Variants in HEG1 observed in about 807,000 individuals in gnomAD.
HEG1 encodes the protein heart development protein with EGF like domains 1, also known as protein HEG homolog 1.
A neutral mutation model predicts 125.6 loss-of-function variants in HEG1; 56 were observed. That is an observed-to-expected ratio of 0.45 (90% CI 0.36 to 0.56). HEG1 has a LOEUF of 0.56. Ranked by LOEUF, HEG1 falls within the 20% of genes least tolerant of loss-of-function variation. The probability of loss-of-function intolerance (pLI) is 0.00; values close to 1 mark genes in which losing one functional copy is unlikely to be tolerated. For synonymous variants in HEG1, 644 were observed against 668.5 expected (o/e 0.96, Z 0.57); for missense variants, 1,523 against 1,670.0 (o/e 0.91, Z 1.53).
chr3:124,978,930 TAGATATAA>T (rs1936600715), intron 14 of HEG1, among the ~76,000 whole-genome samples: 1 of 151,822 alleles, frequency 6.6e-6, no homozygotes. Context: ...ATGGTGATAG[TAGATATAA>T]AAATTCTTTT....
At chr3:125,005,751 A>G (rs1467393687) in intron 8 of HEG1, among the ~76,000 whole-genome samples, 1 of 152,186 alleles carries the variant, frequency 6.6e-6, no homozygotes, top group Non-Finnish European at 1.5e-5. Context: ...TCATCCTAGG[A>G]GGAGGGAGGG....
At chr3:124,996,656 A>T (rs990953830) in intron 12 of HEG1, among the ~76,000 whole-genome samples, 1 of 152,208 alleles carries the variant, frequency 6.6e-6, no homozygotes. Context: ...GAAGCTCAGG[A>T]TAAGAGTGCT....
chr3:124,995,206 G>A (rs1936902266), intron 12 of HEG1, among the ~76,000 whole-genome samples: 1 of 152,122 alleles, frequency 6.6e-6, no homozygotes, highest in Non-Finnish European at 1.5e-5. Flanking sequence ...GGCTGAGGTG[G>A]GAGGATCACT....
chr3:125,037,263 G>C (rs1220223086), intron 1 of HEG1, among the ~76,000 whole-genome samples: 3 of 152,170 alleles, frequency 2.0e-5, no homozygotes, highest in Non-Finnish European at 4.4e-5. Flanking sequence ...GAACAAAAAT[G>C]GTTGGTATCT....
Position 125,055,958 on chromosome 3 carries a change from G to GGCAGCGT in HEG1, c.-69_-68insACGCTGC. ...CGAGGGCAGCGGGCAGCGGGCAGCG[G>GGCAGCGT]GCGGCGGGGGCCGCGCGGGGCCGGG... is the stretch of plus-strand genomic sequence containing the variant. On this transcript the variant is annotated 5_prime_UTR_variant, in exon 1 of 17. Transcript: ENST00000311127. 1.1e-6 allele frequency: 1 copy of GGCAGCGT among 871,360 alleles called. No homozygotes were observed. The highest frequency in any genetic ancestry group is 1.8e-5 in the African/African-American group (1 of 54,578). The allele number at this position is 871,360 out of a possible 1,614,324, so 54.0% of individuals were successfully genotyped here.
At chr3:125,006,080 T>G (rs991904399) in intron 8 of HEG1, among the ~76,000 whole-genome samples, 2 of 152,170 alleles carry the variant, frequency 1.3e-5, no homozygotes, top group African/African-American at 4.8e-5. Context: ...CTATAACCTC[T>G]GTGCCCTGAG....
rs188879476 is a variant in HEG1, at chr3:125,018,968, A to C, written c.1588+294T>G. 6.5e-3 allele frequency among the ~76,000 whole-genome samples: 981 copies of C among 151,290 alleles called. 7 individuals are homozygous for C. Among genetic ancestry groups the C allele is most frequent in the African/African-American group, 0.023 (955 of 41,108 alleles). Reference sequence around the variant, plus strand: ...TGCAACCTCCACCTCCTGGGTTCAAACGATTCTCCTGCCTCAGCCTCCCAA... The same window carrying C: ...TGCAACCTCCACCTCCTGGGTTCAACCGATTCTCCTGCCTCAGCCTCCCAA... On this transcript the variant is annotated intron_variant, in intron 5 of 16. Transcript: ENST00000311127.
At chr3:124,975,703 C>G (rs984653123) in intron 15 of HEG1, among the ~76,000 whole-genome samples, 3 of 152,232 alleles carry the variant, frequency 2.0e-5, no homozygotes, top group African/African-American at 7.2e-5. Context: ...CATTCTGGCC[C>G]TAGACAACCA....
chr3:125,050,182 T>C (rs1937771972), intron 1 of HEG1, among the ~76,000 whole-genome samples: 1 of 150,162 alleles, frequency 6.7e-6, no homozygotes, highest in Non-Finnish European at 1.5e-5. Flanking sequence ...CTCACTTTGT[T>C]GCCCAAGCTA....
At position 125,054,190 on chromosome 3, in the gene HEG1, G is replaced by A. The variant is rs188475984; in HGVS notation, c.316+1385C>T. Among the ~76,000 whole-genome samples, 363 of 152,334 alleles carry A rather than the reference G, an allele frequency of 2.4e-3. 1 individual carries two copies. The highest frequency in any genetic ancestry group is 3.9e-3 in the Non-Finnish European group (264 of 68,036). ...TGTTTTATGTTCTTGATTCCTTCCC[G>A]TGGAAGTTAGCAAAACAGCGTATGC... On this transcript the variant is annotated intron_variant, in intron 1 of 16. Transcript: ENST00000311127.
intron 14 of HEG1, 110 bp downstream of exon 14, chr3:124,990,677 A>G: frequency 9.4e-7 from 1 of 1,058,674 alleles, no homozygotes; most frequent in Non-Finnish European, 1.4e-6. Flanking sequence ...CATAGAACCT[A>G]AGAAGACAGC....
chr3:125,036,595 A>G (rs796889150), intron 1 of HEG1, among the ~76,000 whole-genome samples: 2 of 152,360 alleles, frequency 1.3e-5, no homozygotes, highest in South Asian at 2.1e-4. Context: ...AATGTTTAGC[A>G]TCCTTAACAC....
At chr3:125,041,174 T>C (rs1937591114) in intron 1 of HEG1, among the ~76,000 whole-genome samples, 1 of 152,176 alleles carries the variant, frequency 6.6e-6, no homozygotes, top group Admixed American at 6.5e-5. Context: ...TTCCGGCGTG[T>C]GGCAAGCTCT....
At position 125,012,964 on chromosome 3, in the gene HEG1, G is replaced by A. The variant is rs1937179143; in HGVS notation, c.2615C>T (p.Ala872Val). The change falls in exon 6 of 17, where the codon GCC (alanine) becomes GTC (valine). Residue 872 changes from alanine to valine, a missense_variant. Transcript: ENST00000311127. ...CTGTTTTCCAGCTGTAGTCTGTACG[G>A]CTATAGGGCCAGTGACCAGAGATGC... ...STASLVTGPI[A>V]VQTTAGKQLS... is the part of the protein sequence containing the mutation. The A allele has an allele frequency of 6.2e-7, 1 of 1,614,062 alleles. No individual in the cohort carries two copies. The highest frequency in any genetic ancestry group is 8.5e-7 in the Non-Finnish European group (1 of 1,179,906).
rs967450936 is a variant in HEG1, at chr3:125,055,602, C to T, written c.289G>A (p.Gly97Ser). The T allele has an allele frequency of 8.3e-7, 1 of 1,205,458 alleles. No individual in the cohort carries two copies. Among genetic ancestry groups the T allele is most frequent in the African/African-American group, 1.6e-5 (1 of 63,280 alleles). 74.7% of individuals were successfully genotyped at this position (1,205,458 alleles called of 1,614,324 possible). A position where few individuals can be genotyped will look rare whatever the true frequency, so the allele number is the denominator to read the frequency against. ...PGAATQRGPS[G>S]RAPRGGSADA... The stretch of plus-strand genomic sequence containing the variant: ...GCGCTCCCGCCTCTGGGGGCCCGGC[C>T]GGAGGGTCCCCGCTGTGTCGCGGCG... The change falls in exon 1 of 17, where the codon GGC becomes AGC. Residue 97 changes from glycine to serine, a missense_variant. Physicochemically the swap from Gly to Ser is moderately conservative, Grantham distance 56 (BLOSUM62 0). Coordinates refer to ENST00000311127, the MANE Select transcript of HEG1 (RefSeq NM_020733.2).
intron 1 of HEG1, among the ~76,000 whole-genome samples, chr3:125,055,241 A>G (rs577981036): frequency 6.6e-6 from 1 of 152,348 alleles, no homozygotes; most frequent in South Asian, 2.1e-4. Context: ...CCGGCTGGCC[A>G]GATATCGGAG....
At position 125,013,590 on chromosome 3, in the gene HEG1, A is replaced by AGAGGAGGAGGAGGAGGAAGAGGAG. The variant is rs747301827; in HGVS notation, c.1988_1989insCTCCTCTTCCTCCTCCTCCTCCTC (p.Ser665_Ser672dup). The AGAGGAGGAGGAGGAGGAAGAGGAG allele has an allele frequency of 3.8e-6, 6 of 1,596,930 alleles. No individual in the cohort carries two copies. In the South Asian group the frequency reaches 5.6e-5, roughly 15 times the overall value. ...AAGAAGAAGAAGAGGAGGAGGAGGA[A>AGAGGAGGAGGAGGAGGAAGAGGAG]GAGGAGGAGGAGGAGTCACTAACAA... is the stretch of plus-strand genomic sequence containing the variant. On this transcript the variant is annotated inframe_insertion, in exon 6 of 17. Coordinates refer to ENST00000311127, the MANE Select transcript of HEG1 (RefSeq NM_020733.2).
In HEG1 at chr3:125,027,452, G is replaced by A. The variant is rs79038354; in HGVS notation, c.666C>T (p.Ala222=). Residue 222 remains alanine (A), a synonymous_variant, in exon 3 of 17, where the codon GCC becomes GCT. Coordinates refer to ENST00000311127, the MANE Select transcript of HEG1 (RefSeq NM_020733.2). ...SSSSEFDERI[A]AFQTKSGTAS... The stretch of plus-strand genomic sequence containing the variant: ...CTGTTCCACTCTTTGTTTGAAAAGC[G>A]GCAATTCTTTCATCGAACTCTGAAC... 37,841 of 1,613,610 alleles carry A rather than the reference G, an allele frequency of 0.023. 520 individuals carry two copies. The highest frequency in any genetic ancestry group is 0.028 in the Non-Finnish European group (33,561 of 1,179,788).
intron 14 of HEG1, among the ~76,000 whole-genome samples, chr3:124,983,065 C>T (rs1680695781): frequency 6.6e-6 from 1 of 152,210 alleles, no homozygotes; most frequent in Admixed American, 6.5e-5. Context: ...AAGCTCCTCG[C>T]TACCCCCAGC....
Sources: allele counts gnomAD v4.1 joint callset (sites outside exome capture counted in the v4.1 genomes callset), GRCh38; gene constraint gnomAD v4.1.1; transcripts MANE v1.5; gene names NCBI Gene and HGNC (gene_info 2026-07-23, HGNC 2026-07-21).